LZTS1: variants seen among roughly 807,000 people sequenced by gnomAD.
LZTS1 encodes the protein leucine zipper putative tumor suppressor 1.
LZTS1 carries 31 observed loss-of-function variants against 45.8 expected under a neutral mutation model. The observed-to-expected ratio is 0.68, with a 90% confidence interval of 0.51 to 0.91. The LOEUF is 0.91. Among genes scored for constraint, LZTS1 ranks in the 40% least tolerant of loss-of-function variants. LZTS1 has a pLI of 0.00. For synonymous variants in LZTS1, 359 were observed against 357.3 expected, an observed-to-expected ratio of 1.00 and a Z score of -0.05; for missense variants, 821 against 788.9, an observed-to-expected ratio of 1.04 and a Z score of -0.49.
intron 1 of LZTS1, among the ~76,000 whole-genome samples, chr8:20,257,325 A>C (rs1585280933): frequency 6.6e-6 from 1 of 152,128 alleles, no homozygotes; most frequent in African/African-American, 2.4e-5. Context: ...ACGCCACTGC[A>C]CTCCAGCCTG....
chr8:20,258,570 T>C (rs1360393114), intron 1 of LZTS1, among the ~76,000 whole-genome samples: 1 of 152,192 alleles, frequency 6.6e-6, no homozygotes, highest in Non-Finnish European at 1.5e-5. Flanking sequence ...TAATATGTTT[T>C]GATGTGAAAA....
chr8:20,260,970 C>T (rs1465338882), intron 1 of LZTS1, among the ~76,000 whole-genome samples: 1 of 152,210 alleles, frequency 6.6e-6, no homozygotes, highest in African/African-American at 2.4e-5. Flanking sequence ...TTGGAGAGAG[C>T]ATTACACAAA....
chr8:20,277,105 A>T (rs1159256160), intron 1 of LZTS1, among the ~76,000 whole-genome samples: 1 of 152,224 alleles, frequency 6.6e-6, no homozygotes, highest in Non-Finnish European at 1.5e-5. Context: ...TTGCTGATAA[A>T]ACAGGCTGTG....
intron 1 of LZTS1, among the ~76,000 whole-genome samples, chr8:20,276,950 G>A (rs966814245): frequency 3.9e-5 from 6 of 152,176 alleles, no homozygotes; most frequent in Non-Finnish European, 8.8e-5. Context: ...CATGTCAGAG[G>A]CATTTGAACC....
intron 1 of LZTS1, among the ~76,000 whole-genome samples, chr8:20,292,005 G>C (rs1800908107): frequency 6.6e-6 from 1 of 152,244 alleles, no homozygotes; most frequent in Non-Finnish European, 1.5e-5. Context: ...AGCCTGACCT[G>C]GGTGGAGGTG....
chr8:20,293,404 G>A (rs530002270), intron 1 of LZTS1, among the ~76,000 whole-genome samples: 171 of 152,180 alleles, frequency 1.1e-3, no homozygotes, highest in African/African-American at 3.9e-3. Context: ...CCTCCACTTC[G>A]TCTGCCTGGA....
At chr8:20,255,491 G>A (rs1038456834) in intron 1 of LZTS1, among the ~76,000 whole-genome samples, 176 bp from the exon 2 acceptor site, 2 of 152,100 alleles carry the variant, frequency 1.3e-5, no homozygotes, top group Non-Finnish European at 2.9e-5. Context: ...ACATTCACTG[G>A]GAGCCCACTT....
chr8:20,295,631 A>G (rs1008399161), intron 1 of LZTS1, among the ~76,000 whole-genome samples: 3 of 152,206 alleles, frequency 2.0e-5, no homozygotes, highest in Non-Finnish European at 1.5e-5. Flanking sequence ...GAGGATAGAG[A>G]TAAAAAGCTA....
chr8:20,276,098 A>G (rs1800574789), intron 1 of LZTS1, among the ~76,000 whole-genome samples: 1 of 152,242 alleles, frequency 6.6e-6, no homozygotes, highest in Non-Finnish European at 1.5e-5. Flanking sequence ...AGAGGCCTAT[A>G]GGTTATCAAG....
At chr8:20,254,221 A>G (rs1460269512) in intron 2 of LZTS1, among the ~76,000 whole-genome samples, 6 of 152,212 alleles carry the variant, frequency 3.9e-5, no homozygotes, top group Admixed American at 3.9e-4. Context: ...AATTGATTTC[A>G]GTGTCCACTC....
chr8:20,268,154 C>G (rs1800398193), intron 1 of LZTS1, among the ~76,000 whole-genome samples: 2 of 111,546 alleles, frequency 1.8e-5, no homozygotes, highest in Non-Finnish European at 3.6e-5. Flanking sequence ...TAGAAGGACT[C>G]CCCACCCCCA....
At chr8:20,291,854 C>A (rs77162288) in intron 1 of LZTS1, among the ~76,000 whole-genome samples, 2,276 of 151,928 alleles carry the variant, frequency 0.015, 76 homozygotes, top group East Asian at 0.12. Context: ...TTTTTTTTGC[C>A]ACTGTCCATT....
chr8:20,290,758 C>G (rs945547420), intron 1 of LZTS1, among the ~76,000 whole-genome samples: 4 of 152,174 alleles, frequency 2.6e-5, no homozygotes, highest in African/African-American at 9.7e-5. Context: ...CCTTTCCTGA[C>G]CTTTTGTGCT....
intron 1 of LZTS1, among the ~76,000 whole-genome samples, chr8:20,260,257 C>G (rs1445462484): frequency 2.0e-5 from 3 of 152,142 alleles, no homozygotes; most frequent in Non-Finnish European, 4.4e-5. Context: ...GAGACAGAGT[C>G]TCACTCTGTC....
At chr8:20,280,304 G>C (rs761862646) in intron 1 of LZTS1, among the ~76,000 whole-genome samples, 2 of 152,078 alleles carry the variant, frequency 1.3e-5, no homozygotes, top group African/African-American at 4.8e-5. Flanking sequence ...GGCTCTTCCC[G>C]CAGCCTGGCT....
intron 1 of LZTS1, among the ~76,000 whole-genome samples, chr8:20,298,103 C>G (rs1563903665): frequency 6.6e-6 from 1 of 151,788 alleles, no homozygotes; most frequent in East Asian, 1.9e-4. Flanking sequence ...GCTCTGTCAC[C>G]CAGCCTGGAG....
chr8:20,265,941 C>T (rs1419436480), intron 1 of LZTS1, among the ~76,000 whole-genome samples: 2 of 152,150 alleles, frequency 1.3e-5, no homozygotes, highest in Non-Finnish European at 2.9e-5. Context: ...CTTTAAACCC[C>T]CTTGAAGGCA....
chr8:20,279,681 C>CAAAAAAA (rs34501896), intron 1 of LZTS1, among the ~76,000 whole-genome samples: 1 of 70,942 alleles, frequency 1.4e-5, no homozygotes. Flanking sequence ...GACCCTGTCT[C>CAAAAAAA]AAAAAAAAAA....
chr8:20,283,961 A>C (rs151225823), intron 1 of LZTS1, among the ~76,000 whole-genome samples: 1 of 152,198 alleles, frequency 6.6e-6, no homozygotes, highest in Non-Finnish European at 1.5e-5. Flanking sequence ...AACCAACTGA[A>C]TATAGGAAAT....
Sources: gnomAD v4.1 joint callset for allele counts (sites outside exome capture counted in the v4.1 genomes callset) on GRCh38, gnomAD v4.1.1 for gene constraint, MANE v1.5 for transcripts, NCBI Gene and HGNC (gene_info 2026-07-23, HGNC 2026-07-21) for gene names.